The following MATN2 variants were observed in gnomAD, a reference collection of about 807,000 sequenced individuals.
MATN2 encodes matrilin-2.
In MATN2, 69 loss-of-function variants were observed where a neutral mutation model predicts 103.2. That is an observed-to-expected ratio of 0.67 (90% CI 0.55 to 0.82). The LOEUF is 0.82. Ranked by LOEUF, MATN2 falls within the 40% of genes least tolerant of loss-of-function variation. The pLI is 0.00. For missense variants in MATN2, 1,023 were observed against 1,211.5 expected (o/e 0.84, Z 2.31); for synonymous variants, 429 against 450.2 (o/e 0.95, Z 0.60).
intron 6 of MATN2, among the ~76,000 whole-genome samples, chr8:97,989,065 A>G (rs1586128780): frequency 6.6e-6 from 1 of 152,258 alleles, no homozygotes; most frequent in Admixed American, 6.5e-5. Flanking sequence ...GTAATTCATA[A>G]TATTAACATA....
At chr8:97,907,061 T>C (rs1819197446) in intron 2 of MATN2, among the ~76,000 whole-genome samples, 1 of 144,088 alleles carries the variant, frequency 6.9e-6, no homozygotes, top group East Asian at 2.1e-4. Context: ...AGTGCAGTGG[T>C]GCAATCTCGG....
chr8:97,915,844 G>A (rs1809608330), intron 2 of MATN2, among the ~76,000 whole-genome samples: 1 of 152,036 alleles, frequency 6.6e-6, no homozygotes, highest in South Asian at 2.1e-4. Flanking sequence ...GCACTCTCTT[G>A]TATTGAGGGA....
At chr8:97,885,169 A>G (rs998998098) in intron 1 of MATN2, among the ~76,000 whole-genome samples, 4 of 152,220 alleles carry the variant, frequency 2.6e-5, no homozygotes, top group Non-Finnish European at 4.4e-5. Flanking sequence ...TGTTGAGTGC[A>G]TATGCCTCGG....
rs145228334 is a variant in MATN2 at position 97,963,162 on chromosome 8, T to C, written c.958+1632T>C. Among the ~76,000 whole-genome samples, 214 of 152,244 alleles carry C rather than the reference T, an allele frequency of 1.4e-3. 1 individual carries two copies. The highest frequency in any genetic ancestry group is 4.7e-3 in the African/African-American group (196 of 41,564). On this transcript the variant is annotated intron_variant, in intron 5 of 18. Transcript: ENST00000254898. Reference sequence around the variant, plus strand: ...CAAACAAACAAATAAACAAAAAACATTTTGTAAAGATTTAACAAAATGAGG... The same window carrying C: ...CAAACAAACAAATAAACAAAAAACACTTTGTAAAGATTTAACAAAATGAGG...
At chr8:97,880,268 G>A (rs1230690317) in intron 1 of MATN2, among the ~76,000 whole-genome samples, 1 of 151,912 alleles carries the variant, frequency 6.6e-6, no homozygotes, top group African/African-American at 2.4e-5. Flanking sequence ...ATTTTTAGTA[G>A]AGATGGTGGA....
At chr8:98,025,571 C>A (rs1304369170) in intron 13 of MATN2, 4 of 272,714 alleles carry the variant, frequency 1.5e-5, no homozygotes, top group Admixed American at 5.3e-5. Context: ...GATGGTGAAA[C>A]CCCGTCTCTA....
Position 98,033,131 on chromosome 8 carries a change from C to A in MATN2, c.2671C>A (p.Leu891Ile), listed in dbSNP as rs764507803. 5 of 1,610,522 alleles carry A rather than the reference C, an allele frequency of 3.1e-6. No individual in the cohort carries two copies. The highest frequency in any genetic ancestry group is 1.7e-5 in the Admixed American group (1 of 59,516). ...QHRYLFEEDN[L>I]LRSTQKLSHS... ...CAGATATCTGTTTGAAGAAGACAATCTTTTACGGTCTACACAAAAGCTTTC... is the reference window on the plus strand; with the variant it reads ...CAGATATCTGTTTGAAGAAGACAATATTTTACGGTCTACACAAAAGCTTTC... The change falls in exon 17 of 19, where the codon CTT becomes ATT. Residue 891 changes from leucine (L) to isoleucine (I), a missense_variant. Coordinates refer to ENST00000254898, the MANE Select transcript of MATN2 (RefSeq NM_002380.5).
chr8:97,941,161 C>CAAAAAAA (rs1186024165), intron 3 of MATN2, among the ~76,000 whole-genome samples: 52 of 77,966 alleles, frequency 6.7e-4, no homozygotes, highest in Non-Finnish European at 6.9e-4. Context: ...GACCTTGTCT[C>CAAAAAAA]AAAAAAAAAA....
chr8:98,008,045 G>A (rs956142430), intron 10 of MATN2, among the ~76,000 whole-genome samples: 3 of 152,204 alleles, frequency 2.0e-5, no homozygotes, highest in Admixed American at 6.5e-5. Flanking sequence ...AAGGTCACCA[G>A]CTAGTGAGTG....
chr8:98,004,585 C>T (rs1812902800), intron 8 of MATN2, among the ~76,000 whole-genome samples: 1 of 152,194 alleles, frequency 6.6e-6, no homozygotes, highest in Non-Finnish European at 1.5e-5. Flanking sequence ...TAGCCTGGTG[C>T]CTGGCACAGG....
chr8:98,006,964 T>G (rs1812992615), intron 8 of MATN2, 141 bp from the exon 9 acceptor site: 8 of 894,358 alleles, frequency 8.9e-6, no homozygotes, highest in Non-Finnish European at 1.4e-5. Context: ...CAGGCTGATT[T>G]TCTAGAGGGA....
In MATN2 at chr8:97,936,436, TACACTGATGGC is replaced by T. The variant is rs559341476; in HGVS notation, c.712+4917_712+4927del. On this transcript the variant is annotated intron_variant, in intron 3 of 18. Coordinates refer to ENST00000254898, the MANE Select transcript of MATN2 (RefSeq NM_002380.5). ...CCTTCATGAACTGGCCTGGGCAGTC[TACACTGATGGC>T]ACCCCTTTGAGGTCCTGATGTGAAG... 1.0e-3 allele frequency among the ~76,000 whole-genome samples: 154 copies of T among 152,208 alleles called. 1 individual carries two copies. The highest frequency in any genetic ancestry group is 3.7e-3 in the African/African-American group (152 of 41,518).
chr8:97,887,932 A>G, intron 1 of MATN2, 143 bp from the exon 2 acceptor site: 1 of 721,246 alleles, frequency 1.4e-6, no homozygotes, highest in South Asian at 2.3e-5. Flanking sequence ...TAAGCTCTCA[A>G]AGGCCAAACA....
intron 18 of MATN2, among the ~76,000 whole-genome samples, chr8:98,035,441 TA>T (rs1350658587): frequency 0.045 from 6,440 of 142,718 alleles, 409 homozygotes; most frequent in African/African-American, 0.15. Flanking sequence ...TTGCTGATGT[TA>T]AAAAAAAAAA....
chr8:97,982,122 C>T lies in MATN2; in HGVS notation c.1081+3114C>T, dbSNP rs1301957223. 6.6e-6 allele frequency among the ~76,000 whole-genome samples: 1 copy of T among 152,172 alleles called. No homozygotes were observed. The highest frequency in any genetic ancestry group is 1.5e-5 in the Non-Finnish European group (1 of 68,028). On this transcript the variant is annotated intron_variant, in intron 6 of 18. Transcript: ENST00000254898. This position sits in a 1 kb window ranked among gnomAD's most constrained non-coding sequence, Gnocchi z 4.3. The stretch of plus-strand genomic sequence containing the variant: ...ATCCCTTAGAAGAGCCCTCTTCCCA[C>T]CATGCTTGGGGTGGGCAGGAGCCAG...
At chr8:97,943,701 T>A (rs1385050038) in intron 4 of MATN2, among the ~76,000 whole-genome samples, 1 of 152,084 alleles carries the variant, frequency 6.6e-6, no homozygotes, top group East Asian at 1.9e-4. Flanking sequence ...GTGCTCCATC[T>A]GCCTCAACCC....
At chr8:97,871,473 A>G (rs1241624986) in intron 1 of MATN2, among the ~76,000 whole-genome samples, 1 of 152,200 alleles carries the variant, frequency 6.6e-6, no homozygotes, top group Non-Finnish European at 1.5e-5. Context: ...GAGAGCCTCT[A>G]GTGCTGCCCC....
intron 2 of MATN2, among the ~76,000 whole-genome samples, chr8:97,900,722 T>A (rs1049789593): frequency 6.6e-6 from 1 of 152,010 alleles, no homozygotes; most frequent in Non-Finnish European, 1.5e-5. Context: ...GATCACGAGG[T>A]CAGGAGATTG....
At chr8:97,911,491 G>A (rs931116916) in intron 2 of MATN2, among the ~76,000 whole-genome samples, 18 of 151,828 alleles carry the variant, frequency 1.2e-4, no homozygotes, top group Non-Finnish European at 1.0e-4. Context: ...GGCGGATCAC[G>A]AGGTCAAGAT....
Sources: gnomAD v4.1 joint callset for allele counts (sites outside exome capture counted in the v4.1 genomes callset) on GRCh38, gnomAD v4.1.1 for gene constraint, Gnocchi (gnomAD v3.1) non-coding constraint, MANE v1.5 for transcripts, NCBI Gene and HGNC (gene_info 2026-07-23, HGNC 2026-07-21) for gene names.